KIAA1614: variants seen among roughly 807,000 people sequenced by gnomAD.
KIAA1614 encodes the protein KIAA1614.
In KIAA1614, 76 loss-of-function variants were observed where a neutral mutation model predicts 88.7. The observed-to-expected ratio is 0.86, with a 90% CI of 0.71 to 1.04. The LOEUF is 1.04. Among genes scored for constraint, KIAA1614 ranks in the 50% least tolerant of loss-of-function variants. The pLI is 0.00. For synonymous variants in KIAA1614, 714 were observed against 675.5 expected (o/e 1.06, Z -0.88); for missense variants, 1,553 against 1,582.5 (o/e 0.98, Z 0.32).
In KIAA1614 at chr1:180,944,914, C is replaced by T. The variant is rs147345113; in HGVS notation, c.3288-389C>T. On this transcript the variant is annotated intron_variant, in intron 8 of 8. Transcript: ENST00000367588. Reference sequence around the variant, plus strand: ...CCATGACCTGCTTGGAAAATCCCACCCTGTCCGATGAGGCCCTGTAGGCTG... The same window carrying T: ...CCATGACCTGCTTGGAAAATCCCACTCTGTCCGATGAGGCCCTGTAGGCTG... 1.3e-3 allele frequency: 342 copies of T among 268,228 alleles called. 6 individuals are homozygous for T. In the East Asian group the frequency reaches 0.031, roughly 24 times the overall value. The allele number at this position is 268,228 out of a possible 1,614,324, so 16.6% of individuals were successfully genotyped here.
intron 6 of KIAA1614, among the ~76,000 whole-genome samples, 183 bp downstream of exon 6, chr1:180,938,894 T>C (rs1181378794): frequency 1.3e-5 from 2 of 152,192 alleles, no homozygotes; most frequent in African/African-American, 4.8e-5. Flanking sequence ...TTTAGTCTGA[T>C]GTACCTGATC....
Position 180,938,544 on chromosome 1 carries a change from G to A in KIAA1614, c.2762-11G>A. The A allele has an allele frequency of 6.2e-7, 1 of 1,613,430 alleles. No individual in the cohort carries two copies. Among genetic ancestry groups the A allele is most frequent in the Non-Finnish European group, 8.5e-7 (1 of 1,179,590 alleles). On this transcript the variant is annotated splice_polypyrimidine_tract_variant and intron_variant, in intron 5 of 8. Transcript: ENST00000367588. ...CGGTCTGACTCAGGTGGGATGCTGTGCTTGTTTCAGGAGGACCCCAGGGCT... is the reference window on the plus strand; with the variant it reads ...CGGTCTGACTCAGGTGGGATGCTGTACTTGTTTCAGGAGGACCCCAGGGCT...
Position 180,941,073 on chromosome 1 carries a change from G to T in KIAA1614, c.2947G>T (p.Gly983Cys), listed in dbSNP as rs760661124. The T allele has an allele frequency of 7.5e-7, 1 of 1,326,400 alleles. No homozygotes were observed. The highest frequency in any genetic ancestry group is 5.0e-5 in the East Asian group (1 of 20,020). 82.2% of individuals were successfully genotyped at this position (1,326,400 alleles called of 1,614,324 possible). ...RASAGAGTGP[G>C]SPSAAPLDQN... Reference sequence around the variant, plus strand: ...ATCAGCAGGAGCTGGCACAGGACCCGGCTCCCCCTCGGCTGCCCCTTTGGA... The same window carrying T: ...ATCAGCAGGAGCTGGCACAGGACCCTGCTCCCCCTCGGCTGCCCCTTTGGA... The change falls in exon 7 of 9, where the codon GGC (glycine) becomes TGC (cysteine). Residue 983 changes from glycine to cysteine, a missense_variant. Gly to Cys is a radical substitution (Grantham distance 159). Coordinates refer to ENST00000367588, the MANE Select transcript of KIAA1614 (RefSeq NM_020950.2).
At chr1:180,933,993 G>A (rs545095203) in intron 4 of KIAA1614, among the ~76,000 whole-genome samples, 13 of 152,340 alleles carry the variant, frequency 8.5e-5, no homozygotes, top group East Asian at 3.9e-4. Flanking sequence ...GGTGGCTCAC[G>A]CCTGTAATCC....
In KIAA1614 at chr1:180,939,874, C is replaced by G. The variant is rs543303597; in HGVS notation, c.2918+1163C>G. 3.9e-5 allele frequency among the ~76,000 whole-genome samples: 6 copies of G among 152,348 alleles called. 1 individual carries two copies. The South Asian group carries it at 1.2e-3, about 32-fold the overall frequency. ...ATCACCTACACCCAAGCCTCATGGC[C>G]TGGCCCCTTTCTGTTCTTAAACACC... On this transcript the variant is annotated intron_variant, in intron 6 of 8. Coordinates refer to ENST00000367588, the MANE Select transcript of KIAA1614 (RefSeq NM_020950.2).
At position 180,934,355 on chromosome 1, in the gene KIAA1614, G is replaced by A. The variant is rs557397266; in HGVS notation, c.1206-760G>A. ...TGTAATACCAGAACTTTGGGAGGCC[G>A]AGGTGGGAGGATCACTTGCGCCCAG... On this transcript the variant is annotated intron_variant, in intron 4 of 8. Coordinates refer to ENST00000367588, the MANE Select transcript of KIAA1614 (RefSeq NM_020950.2). 1.3e-4 allele frequency among the ~76,000 whole-genome samples: 20 copies of A among 152,184 alleles called. No individual in the cohort carries two copies. In the South Asian group the frequency reaches 1.5e-3, roughly 11 times the overall value.
intron 5 of KIAA1614, 104 bp from the exon 6 acceptor site, chr1:180,938,451 C>T: frequency 7.6e-7 from 1 of 1,312,396 alleles, no homozygotes; most frequent in Non-Finnish European, 1.1e-6. Flanking sequence ...TCCACCTCTC[C>T]AGCTTCTTCT....
Position 180,917,083 on chromosome 1 carries a change from G to A in KIAA1614, c.980G>A (p.Trp327Ter). The A allele has an allele frequency of 6.2e-7, 1 of 1,613,054 alleles. No individual in the cohort carries two copies. Among genetic ancestry groups the A allele is most frequent in the East Asian group, 2.2e-5 (1 of 44,882 alleles). ...KVGTPAWTPSWDTAAPERPVG... is the reference protein window; with the variant it reads ...KVGTPAWTPS Reference sequence around the variant, plus strand: ...GGAACCCCTGCCTGGACTCCATCCTGGGACACAGCTGCACCAGGTGAAGCT... The same window carrying A: ...GGAACCCCTGCCTGGACTCCATCCTAGGACACAGCTGCACCAGGTGAAGCT... The change falls in exon 2 of 9, where the codon TGG becomes TAG. Residue 327 changes from tryptophan (W) to a stop codon, truncating the protein, a stop_gained. Transcript: ENST00000367588. LOFTEE classifies it high-confidence loss of function.
At chr1:180,934,974 C>G (rs1301337866) in intron 4 of KIAA1614, 141 bp from the exon 5 acceptor site, 1 of 545,524 alleles carries the variant, frequency 1.8e-6, no homozygotes, top group East Asian at 3.5e-5. Context: ...CAGAAATCCT[C>G]TCTGGAGTAA....
At chr1:180,926,866 C>T (rs919264580) in intron 3 of KIAA1614, among the ~76,000 whole-genome samples, 3 of 152,244 alleles carry the variant, frequency 2.0e-5, no homozygotes, top group Non-Finnish European at 2.9e-5. Flanking sequence ...GGAGGCTTCA[C>T]GGGGCAGCGG....
chr1:180,943,548 A>ATGTTTTTTTTTTTTTTTTTTT (rs201999726), intron 7 of KIAA1614, among the ~76,000 whole-genome samples: 1 of 74,862 alleles, frequency 1.3e-5, no homozygotes, highest in Non-Finnish European at 2.5e-5. Flanking sequence ...ATGGTAGTAG[A>ATGTTTTTTTTTTTTTTTTTTT]TCTTTTTTTT....
chr1:180,913,085 C>G lies in KIAA1614; in HGVS notation c.-159C>G. 1 of 425,656 alleles carries G rather than the reference C, an allele frequency of 2.3e-6. No individual in the cohort carries two copies. Among genetic ancestry groups the G allele is most frequent in the Non-Finnish European group, 3.8e-6 (1 of 262,620 alleles). The allele number at this position is 425,656 out of a possible 1,614,324, so 26.4% of individuals were successfully genotyped here. On this transcript the variant is annotated 5_prime_UTR_variant, in exon 1 of 9. Coordinates refer to ENST00000367588, the MANE Select transcript of KIAA1614 (RefSeq NM_020950.2). ...GCAGAGCCGGGAGCTGGCCCGGCCTCGGCGCCGTCCCGGACCCCCAGTCGG... is the reference window on the plus strand; with the variant it reads ...GCAGAGCCGGGAGCTGGCCCGGCCTGGGCGCCGTCCCGGACCCCCAGTCGG...
chr1:180,935,099 C>A lies in KIAA1614; in HGVS notation c.1206-16C>A, dbSNP rs779851513. The stretch of plus-strand genomic sequence containing the variant: ...GGTTTCTGCCCTTGACCTCTCTCCT[C>A]CTGTCTCTTCATCAGAGATGGCCAC... On this transcript the variant is annotated splice_polypyrimidine_tract_variant and intron_variant, in intron 4 of 8. Coordinates refer to ENST00000367588, the MANE Select transcript of KIAA1614 (RefSeq NM_020950.2). The surrounding 1 kb of genome is among the most constrained non-coding windows in gnomAD (Gnocchi z 6.1). The A allele has an allele frequency of 2.9e-6, 4 of 1,401,940 alleles. No homozygotes were observed. The highest frequency in any genetic ancestry group is 3.6e-5 in the South Asian group (2 of 55,644). The allele number at this position is 1,401,940 out of a possible 1,614,324, so 86.8% of individuals were successfully genotyped here. A position where few individuals can be genotyped will look rare whatever the true frequency, so the allele number is the denominator to read the frequency against.
chr1:180,937,469 C>G (rs1469555728), intron 5 of KIAA1614, among the ~76,000 whole-genome samples: 1 of 152,194 alleles, frequency 6.6e-6, no homozygotes, highest in Non-Finnish European at 1.5e-5. Flanking sequence ...TGGGAGAATC[C>G]TGGGGGTTGG....
intron 3 of KIAA1614, among the ~76,000 whole-genome samples, chr1:180,924,944 G>A (rs1440750074): frequency 1.6e-5 from 2 of 124,766 alleles, no homozygotes; most frequent in Non-Finnish European, 3.7e-5. Context: ...CAAGTGCCCA[G>A]CTCTGTGCTA....
In KIAA1614 at chr1:180,945,720, G is replaced by A. The variant is rs747273815; in HGVS notation, c.*132G>A. 27 of 1,398,254 alleles carry A rather than the reference G, an allele frequency of 1.9e-5. No homozygotes were observed. Among genetic ancestry groups the A allele is most frequent in the Non-Finnish European group, 2.3e-5 (25 of 1,087,056 alleles). The allele number at this position is 1,398,254 out of a possible 1,614,324, so 86.6% of individuals were successfully genotyped here. ...AGAGCCTTTGCCCTAGGCAACTGCA[G>A]CTGAGAGTGCGTTGGTGGGGAGTGT... On this transcript the variant is annotated 3_prime_UTR_variant, in exon 9 of 9. Transcript: ENST00000367588.
chr1:180,928,516 G>A lies in KIAA1614; in HGVS notation c.1148G>A (p.Arg383Lys). Residue 383 changes from arginine (R) to lysine (K), a missense_variant, in exon 4 of 9, where the codon AGG becomes AAG. By Grantham distance (26) the Arg-to-Lys change is conservative. Coordinates refer to ENST00000367588, the MANE Select transcript of KIAA1614 (RefSeq NM_020950.2). ...HLLQRARMKA[R>K]TRPLRASHDI... ...CTGCAGCGTGCCCGCATGAAGGCCA[G>A]GACCCGGCCCCTCCGTGCCAGCCAT... The A allele has an allele frequency of 1.2e-6, 2 of 1,613,040 alleles. No individual in the cohort carries two copies. Among genetic ancestry groups the A allele is most frequent in the South Asian group, 2.2e-5 (2 of 91,072 alleles).
Position 180,917,096 on chromosome 1 carries a change from A to G in KIAA1614, c.993A>G (p.Ala331=), listed in dbSNP as rs1466911875. 2.5e-6 allele frequency: 4 copies of G among 1,611,756 alleles called. No individual in the cohort carries two copies. Among genetic ancestry groups the G allele is most frequent in the Non-Finnish European group, 2.5e-6 (3 of 1,178,946 alleles). The change falls in exon 2 of 9, where the codon GCA becomes GCG. Residue 331 remains alanine, a synonymous_variant. Coordinates refer to ENST00000367588, the MANE Select transcript of KIAA1614 (RefSeq NM_020950.2). Reference sequence around the variant, plus strand: ...GGACTCCATCCTGGGACACAGCTGCACCAGGTGAAGCTCACTGTGTAGGTC... The same window carrying G: ...GGACTCCATCCTGGGACACAGCTGCGCCAGGTGAAGCTCACTGTGTAGGTC... ...PAWTPSWDTA[A]PERPVGDVDW... is the part of the protein sequence containing the mutation.
intron 4 of KIAA1614, among the ~76,000 whole-genome samples, chr1:180,930,263 C>CA (rs1466716225): frequency 1.3e-5 from 2 of 152,004 alleles, no homozygotes; most frequent in Non-Finnish European, 2.9e-5. Context: ...ACTAAAGATA[C>CA]AAAAAATTAG....
Sources: gnomAD v4.1 joint callset for allele counts (sites outside exome capture counted in the v4.1 genomes callset) on GRCh38, gnomAD v4.1.1 for gene constraint, Gnocchi (gnomAD v3.1) non-coding constraint, MANE v1.5 for transcripts, NCBI Gene and HGNC (gene_info 2026-07-23, HGNC 2026-07-21) for gene names.